The following ERICH6 variants were observed in gnomAD, a reference collection of about 807,000 sequenced individuals.
ERICH6 encodes glutamate rich 6.
Under a neutral mutation model 71.0 loss-of-function variants are expected in ERICH6, and 71 were observed. The ratio of observed to expected loss-of-function variants is 1.00; its 90% CI spans 0.83 to 1.22. The LOEUF (loss-of-function observed/expected upper bound fraction) is 1.22. ERICH6 is among the 50% of genes most tolerant of loss of function. The pLI is 0.00. For missense variants in ERICH6, 808 were observed against 797.2 expected, an observed-to-expected ratio of 1.01 and a Z score of -0.16; for synonymous variants, 262 against 278.4, an observed-to-expected ratio of 0.94 and a Z score of 0.59.
chr3:150,678,647 G>T, intron 9 of ERICH6, 93 bp from the exon 10 acceptor site: 1 of 967,860 alleles, frequency 1.0e-6, no homozygotes, highest in Non-Finnish European at 1.5e-6. Context: ...CAATATAAAT[G>T]CACTGATTCA....
chr3:150,677,661 T>TA (rs1354487629), intron 10 of ERICH6, among the ~76,000 whole-genome samples: 1 of 152,056 alleles, frequency 6.6e-6, no homozygotes, highest in Non-Finnish European at 1.5e-5. Flanking sequence ...CATGCATGGC[T>TA]AATTTTTCTT....
intron 3 of ERICH6, among the ~76,000 whole-genome samples, chr3:150,693,026 C>T (rs1040267701): frequency 6.6e-6 from 1 of 152,084 alleles, no homozygotes; most frequent in African/African-American, 2.4e-5. Context: ...TAACTTTTTG[C>T]TTAAAACGTT....
intron 9 of ERICH6, among the ~76,000 whole-genome samples, chr3:150,679,164 AAAT>A (rs1711795977): frequency 6.6e-6 from 1 of 152,020 alleles, no homozygotes; most frequent in African/African-American, 2.4e-5. Context: ...TTACAAAAAT[AAAT>A]AAAAATATAT....
chr3:150,669,211 C>A, intron 12 of ERICH6, 85 bp downstream of exon 12: 1 of 1,383,124 alleles, frequency 7.2e-7, no homozygotes, highest in Non-Finnish European at 9.7e-7. Context: ...TCTTCTGAAA[C>A]CCATTCTTAT....
chr3:150,700,615 A>T (rs2108081392), intron 2 of ERICH6, among the ~76,000 whole-genome samples: 1 of 151,484 alleles, frequency 6.6e-6, no homozygotes, highest in South Asian at 2.1e-4. Context: ...ATGAAGTCTC[A>T]CTCTATTGCC....
chr3:150,665,453 G>T (rs895892800), intron 13 of ERICH6, among the ~76,000 whole-genome samples: 4 of 143,400 alleles, frequency 2.8e-5, no homozygotes, highest in Non-Finnish European at 3.0e-5. Context: ...GGAGGCGGAG[G>T]TTGCAGTGAG....
intron 3 of ERICH6, among the ~76,000 whole-genome samples, chr3:150,694,911 G>A (rs959974768): frequency 2.0e-4 from 30 of 152,152 alleles, no homozygotes; most frequent in African/African-American, 7.0e-4. Flanking sequence ...TCAAGGTGCC[G>A]GTAGATTTGG....
Position 150,669,403 on chromosome 3 carries a change from A to G in ERICH6, c.1392T>C (p.Asn464=), listed in dbSNP as rs747703922. ...CTTCTTGGACTATACAAGTAAAACCATTTACCTTGTTGGGCACTCGAATGA... is the reference window on the plus strand; with the variant it reads ...CTTCTTGGACTATACAAGTAAAACCGTTTACCTTGTTGGGCACTCGAATGA... ...LAIIRVPNKV[N]GFTCIVQEDM... Residue 464 remains asparagine (N), a synonymous_variant, in exon 12 of 14, where the codon AAT becomes AAC. Transcript: ENST00000295910. 24 of 1,613,602 alleles carry G rather than the reference A, an allele frequency of 1.5e-5. No individual in the cohort carries two copies. Among genetic ancestry groups the G allele is most frequent in the Non-Finnish European group, 1.7e-6 (2 of 1,179,848 alleles).
At chr3:150,687,479 C>G (rs1390987741) in intron 3 of ERICH6, among the ~76,000 whole-genome samples, 1 of 152,176 alleles carries the variant, frequency 6.6e-6, no homozygotes. Flanking sequence ...TTTTCTGCTT[C>G]TTTTAAGTAC....
chr3:150,685,336 A>G (rs1004462121), intron 6 of ERICH6, among the ~76,000 whole-genome samples: 5 of 152,186 alleles, frequency 3.3e-5, no homozygotes. Flanking sequence ...GGACATTTGG[A>G]CCCAGACACA....
intron 4 of ERICH6, 69 bp from the exon 5 acceptor site, chr3:150,686,090 T>C: frequency 3.0e-6 from 4 of 1,350,068 alleles, no homozygotes; most frequent in East Asian, 2.3e-5. Context: ...CTTCTGTAAT[T>C]TGGAGATTCA....
intron 2 of ERICH6, among the ~76,000 whole-genome samples, chr3:150,699,656 G>C (rs1387262704): frequency 6.9e-6 from 1 of 145,328 alleles, no homozygotes; most frequent in African/African-American, 2.6e-5. Flanking sequence ...ACTTTGAAAG[G>C]AAAAATAATA....
At chr3:150,665,401 C>T (rs1377788835) in intron 13 of ERICH6, among the ~76,000 whole-genome samples, 1 of 149,646 alleles carries the variant, frequency 6.7e-6, no homozygotes, top group Non-Finnish European at 1.5e-5. Context: ...CCTGTAGTCC[C>T]AGCTATTTGG....
chr3:150,675,859 T>C (rs915744814), intron 10 of ERICH6, among the ~76,000 whole-genome samples: 1 of 78,514 alleles, frequency 1.3e-5, no homozygotes, highest in African/African-American at 3.9e-5. Context: ...CTTTCTTTCC[T>C]TTTTTTTTTT....
In ERICH6 at chr3:150,678,553, A is replaced by G. The variant is rs772982824; in HGVS notation, c.1113T>C (p.Asp371=). The change falls in exon 10 of 14, where the codon GAT becomes GAC. Residue 371 remains aspartate, a splice_region_variant and synonymous_variant. Transcript: ENST00000295910. ...AAGAAATTGTTTTTAAGCGCTTTGAATCTAGTGGGAAAAGAATCACATAGA... is the reference window on the plus strand; with the variant it reads ...AAGAAATTGTTTTTAAGCGCTTTGAGTCTAGTGGGAAAAGAATCACATAGA... ...SREQTHFSED[D]SKRLKTISYQ... 7 of 1,589,664 alleles carry G rather than the reference A, an allele frequency of 4.4e-6. No individual in the cohort carries two copies. In the Admixed American group the frequency reaches 1.1e-4, roughly 26 times the overall value.
intron 7 of ERICH6, 121 bp downstream of exon 7, chr3:150,682,097 G>A (rs1711983250): frequency 4.8e-6 from 4 of 829,260 alleles, no homozygotes; most frequent in African/African-American, 1.7e-5. Flanking sequence ...TTACAGGTGT[G>A]AGCCATCAAG....
Position 150,685,968 on chromosome 3 carries a change from C to T in ERICH6, c.664G>A (p.Glu222Lys). The T allele has an allele frequency of 6.2e-7, 1 of 1,604,582 alleles. No individual in the cohort carries two copies. The highest frequency in any genetic ancestry group is 8.5e-7 in the Non-Finnish European group (1 of 1,171,294). ...TTAGTATGATAAACATTTCTTACCT[C>T]CAGCTCATATAAAATATTTAGTTTC... The part of the protein sequence containing the change: ...ESKLNILYEL[E>K]FKEDFITLFE... The change falls in exon 5 of 14, where the codon GAG becomes AAG. Residue 222 changes from glutamate to lysine, a missense_variant and splice_region_variant. Coordinates refer to ENST00000295910, the MANE Select transcript of ERICH6 (RefSeq NM_152394.5).
rs535720860 is a variant in ERICH6 at position 150,689,840 on chromosome 3, G to A, written c.554-3486C>T. ...TACCAGAGTCCCTTTGCGGGAGAAC[G>A]CTGTTTTTCCTTATGGGAACTCCAA... On this transcript the variant is annotated intron_variant, in intron 3 of 13. Coordinates refer to ENST00000295910, the MANE Select transcript of ERICH6 (RefSeq NM_152394.5). Among the ~76,000 whole-genome samples the A allele has an allele frequency of 1.7e-3, 266 of 152,256 alleles. 2 individuals are homozygous for A. The highest frequency in any genetic ancestry group is 6.2e-3 in the African/African-American group (257 of 41,560).
At chr3:150,688,770 TTTGAG>T (rs1388856604) in intron 3 of ERICH6, among the ~76,000 whole-genome samples, 1 of 152,230 alleles carries the variant, frequency 6.6e-6, no homozygotes, top group Admixed American at 6.5e-5. Flanking sequence ...TTGTCCCGCC[TTTGAG>T]TTGTCCCGCC....
Sources: gnomAD v4.1 joint callset for allele counts (sites outside exome capture counted in the v4.1 genomes callset) on GRCh38, gnomAD v4.1.1 for gene constraint, MANE v1.5 for transcripts, NCBI Gene and HGNC (gene_info 2026-07-23, HGNC 2026-07-21) for gene names.